Variants in GLIS2 observed in about 807,000 individuals in gnomAD.
The protein encoded by GLIS2 is zinc finger protein GLIS2.
Under a neutral mutation model 35.6 loss-of-function variants are expected in GLIS2, and 14 were observed. That is an observed-to-expected ratio of 0.39 (90% confidence interval 0.26 to 0.61). The LOEUF (loss-of-function observed/expected upper bound fraction) is 0.61. GLIS2 is among the 20% of genes least tolerant of loss of function. The pLI, the probability that GLIS2 is intolerant of heterozygous loss-of-function variation, is 0.48. For synonymous variants in GLIS2, 368 were observed against 325.1 expected (o/e 1.13, Z -1.42); for missense variants, 675 against 713.4 (o/e 0.95, Z 0.61).
chr16:4,333,579 C>A, intron 3 of GLIS2, 60 bp downstream of exon 3: 1 of 1,514,470 alleles, frequency 6.6e-7, no homozygotes, highest in Non-Finnish European at 8.9e-7. Flanking sequence ...GTTGCCATGA[C>A]AAAGTACCCC....
At chr16:4,323,463 G>T (rs543118584) in intron 1 of GLIS2, among the ~76,000 whole-genome samples, 1 of 152,222 alleles carries the variant, frequency 6.6e-6, no homozygotes, top group African/African-American at 2.4e-5. Context: ...CAGGCAGCGG[G>T]GGGGTGGAGG....
intron 1 of GLIS2, among the ~76,000 whole-genome samples, chr16:4,327,382 C>T (rs12709116): frequency 0.1 from 15,744 of 152,270 alleles, 1,066 homozygotes; most frequent in African/African-American, 0.19. Context: ...GGTCCTTTAC[C>T]CCCTCTGGTG....
Position 4,332,057 on chromosome 16 carries a change from C to A in GLIS2, c.-66-158C>A, listed in dbSNP as rs540007912. Among the ~76,000 whole-genome samples, 1 of 152,178 alleles carries A rather than the reference C, an allele frequency of 6.6e-6. No individual in the cohort carries two copies. Among genetic ancestry groups the A allele is most frequent in the African/African-American group, 2.4e-5 (1 of 41,436 alleles). ...CTCTGAGGAGGCTGTTGGCTCTCCCCCCATGATAGCTGCCGGCCAGGTCGC... is the reference window on the plus strand; with the variant it reads ...CTCTGAGGAGGCTGTTGGCTCTCCCACCATGATAGCTGCCGGCCAGGTCGC... On this transcript the variant is annotated intron_variant, in intron 1 of 6. Coordinates refer to ENST00000433375, the MANE Select transcript of GLIS2 (RefSeq NM_032575.3). The surrounding 1 kb of genome is among the most constrained non-coding windows in gnomAD (Gnocchi z 5.4).
chr16:4,338,382 C>T lies in GLIS2; in HGVS notation c.*858C>T, dbSNP rs544562577. 2 of 152,508 alleles carry T rather than the reference C, an allele frequency of 1.3e-5. No individual in the cohort carries two copies. The highest frequency in any genetic ancestry group is 2.4e-5 in the African/African-American group (1 of 41,564). 9.4% of individuals were successfully genotyped at this position (152,508 alleles called of 1,614,324 possible). A position where few individuals can be genotyped will look rare whatever the true frequency, so the allele number is the denominator to read the frequency against. ...GGAGCATGTGGGGCCAGGCCCAGCG[C>T]CCCGTCTTCCTCCTTCTACCCCCGC... On this transcript the variant is annotated 3_prime_UTR_variant, in exon 7 of 7. Coordinates refer to ENST00000433375, the MANE Select transcript of GLIS2 (RefSeq NM_032575.3).
chr16:4,339,530 T>C lies in GLIS2; in HGVS notation c.*2006T>C, dbSNP rs2053602861. ...TTAAAAAAAGAGATAAGCTAATGACTATAACAATATATTCCTCCATGGGAG... is the reference window on the plus strand; with the variant it reads ...TTAAAAAAAGAGATAAGCTAATGACCATAACAATATATTCCTCCATGGGAG... On this transcript the variant is annotated 3_prime_UTR_variant, in exon 7 of 7. Transcript: ENST00000433375. The C allele has an allele frequency of 6.6e-6, 1 of 152,414 alleles. No individual in the cohort carries two copies. The highest frequency in any genetic ancestry group is 2.4e-5 in the African/African-American group (1 of 41,452). The allele number at this position is 152,414 out of a possible 1,614,324, so 9.4% of individuals were successfully genotyped here.
rs140804887 is a variant in GLIS2 at position 4,336,303 on chromosome 16, C to A, written c.776-422C>A. The A allele has an allele frequency of 2.2e-3, 727 of 332,950 alleles. 22 individuals are homozygous for A. In the East Asian group the frequency reaches 0.046, roughly 21 times the overall value. The allele number at this position is 332,950 out of a possible 1,614,324, so 20.6% of individuals were successfully genotyped here. On this transcript the variant is annotated intron_variant, in intron 6 of 6. Coordinates refer to ENST00000433375, the MANE Select transcript of GLIS2 (RefSeq NM_032575.3). The stretch of plus-strand genomic sequence containing the variant: ...CTGGGATTACAGGCACCTGCCACCA[C>A]ACCCAGCTAGTTTTCGTAGTTTTAG...
In GLIS2 at chr16:4,335,051, C is replaced by A; in HGVS notation, c.523-9C>A. ...CGCATGGGCTCAGAACACTTCCCATCCTCCGCAGTGTAACCAGCTCTTTGA... is the reference window on the plus strand; with the variant it reads ...CGCATGGGCTCAGAACACTTCCCATACTCCGCAGTGTAACCAGCTCTTTGA... On this transcript the variant is annotated splice_polypyrimidine_tract_variant and intron_variant, in intron 4 of 6. Coordinates refer to ENST00000433375, the MANE Select transcript of GLIS2 (RefSeq NM_032575.3). This position sits in a 1 kb window ranked among gnomAD's most constrained non-coding sequence, Gnocchi z 4.6. 2 of 1,613,454 alleles carry A rather than the reference C, an allele frequency of 1.2e-6. No homozygotes were observed. Among genetic ancestry groups the A allele is most frequent in the South Asian group, 1.1e-5 (1 of 91,080 alleles).
rs569415541 is a variant in GLIS2, at chr16:4,322,718, C to T, written c.-67+6464C>T. 9.9e-5 allele frequency among the ~76,000 whole-genome samples: 15 copies of T among 151,430 alleles called. No individual in the cohort carries two copies. The South Asian group carries it at 2.3e-3, about 23-fold the overall frequency. ...GGCCTGGCGTTGGAATGCATGAATGCGTGGTTGGAGAACCGAGGCAGGAGG... is the reference window on the plus strand; with the variant it reads ...GGCCTGGCGTTGGAATGCATGAATGTGTGGTTGGAGAACCGAGGCAGGAGG... On this transcript the variant is annotated intron_variant, in intron 1 of 6. Coordinates refer to ENST00000433375, the MANE Select transcript of GLIS2 (RefSeq NM_032575.3).
chr16:4,336,665 G>A, intron 6 of GLIS2, 60 bp from the exon 7 acceptor site: 1 of 1,505,564 alleles, frequency 6.6e-7, no homozygotes, highest in Non-Finnish European at 9.0e-7. Context: ...GAGTGCATGG[G>A]GTGAGACCCA....
upstream of GLIS2, chr16:4,315,285 C>T (rs1317174119): frequency 6.6e-6 from 1 of 152,260 alleles, no homozygotes; most frequent in Non-Finnish European, 1.5e-5. Flanking sequence ...AGGGGTTGCG[C>T]CGGGCCCCGA....
intron 1 of GLIS2, among the ~76,000 whole-genome samples, chr16:4,324,348 G>A (rs752043050): frequency 6.6e-6 from 1 of 152,190 alleles, no homozygotes; most frequent in Admixed American, 6.5e-5. Flanking sequence ...GCCTGTCTGC[G>A]GCCAGCTCCT....
rs2053308286 is a variant in GLIS2 at position 4,316,174 on chromosome 16, C to T, written c.-147C>T. Among the ~76,000 whole-genome samples, 1 of 145,446 alleles carries T rather than the reference C, an allele frequency of 6.9e-6. No individual in the cohort carries two copies. Among genetic ancestry groups the T allele is most frequent in the East Asian group, 2.0e-4 (1 of 4,908 alleles). On this transcript the variant is annotated 5_prime_UTR_variant, in exon 1 of 7. Coordinates refer to ENST00000433375, the MANE Select transcript of GLIS2 (RefSeq NM_032575.3). ...CTCGCGCCCCGGCCCCCGCCCGTCC[C>T]GGCCCCTCCCCCGCTCGGCTCCCCG...
rs777443576 is a variant in GLIS2 at position 4,332,027 on chromosome 16, G to A, written c.-66-188G>A. On this transcript the variant is annotated intron_variant, in intron 1 of 6. Transcript: ENST00000433375. This position sits in a 1 kb window ranked among gnomAD's most constrained non-coding sequence, Gnocchi z 5.4. ...CAAGAGACTCATGGGAAGCAGATGC[G>A]GAATCTCTGAGGAGGCTGTTGGCTC... Among the ~76,000 whole-genome samples, 15 of 152,278 alleles carry A rather than the reference G, an allele frequency of 9.9e-5. No homozygotes were observed. Among genetic ancestry groups the A allele is most frequent in the South Asian group, 2.1e-4 (1 of 4,822 alleles).
intron 1 of GLIS2, among the ~76,000 whole-genome samples, chr16:4,330,484 C>T (rs1372365294): frequency 5.9e-5 from 9 of 152,232 alleles, no homozygotes; most frequent in Non-Finnish European, 1.0e-4. Context: ...CCCCTGGTGG[C>T]GACCCAGCGC....
intron 1 of GLIS2, among the ~76,000 whole-genome samples, chr16:4,324,302 C>T (rs959579507): frequency 1.3e-5 from 2 of 149,872 alleles, no homozygotes; most frequent in African/African-American, 5.1e-5. Context: ...GGCCAGGCCT[C>T]AGGATAAGCT....
At chr16:4,333,646 G>C (rs924544885) in intron 3 of GLIS2, 127 bp downstream of exon 3, 3 of 1,127,038 alleles carry the variant, frequency 2.7e-6, no homozygotes, top group African/African-American at 1.6e-5. Context: ...GGAGGCTGGA[G>C]TCTACCTGGA....
Position 4,337,645 on chromosome 16 carries a change from C to T in GLIS2, c.*121C>T, listed in dbSNP as rs929887014. ...CTGCCCGGGCAGCCCCAGCCCAGCC[C>T]GCCGGGAGCAAGGATGGTGCTAGGT... On this transcript the variant is annotated 3_prime_UTR_variant, in exon 7 of 7. Coordinates refer to ENST00000433375, the MANE Select transcript of GLIS2 (RefSeq NM_032575.3). The T allele has an allele frequency of 6.0e-5, 85 of 1,416,590 alleles. 1 individual carries two copies. The highest frequency in any genetic ancestry group is 3.5e-4 in the South Asian group (28 of 81,008). 87.8% of individuals were successfully genotyped at this position (1,416,590 alleles called of 1,614,324 possible). A position where few individuals can be genotyped will look rare whatever the true frequency, so the allele number is the denominator to read the frequency against.
Position 4,333,426 on chromosome 16 carries a change from A to G in GLIS2, c.252A>G (p.Ser84=), listed in dbSNP as rs769920317. The G allele has an allele frequency of 2.8e-5, 45 of 1,612,696 alleles. No homozygotes were observed. The South Asian group carries it at 4.4e-4, about 16-fold the overall frequency. The change falls in exon 3 of 7, where the codon TCA becomes TCG. Residue 84 remains serine, a synonymous_variant. Coordinates refer to ENST00000433375, the MANE Select transcript of GLIS2 (RefSeq NM_032575.3). ...SAAPLVDLSL[S]PPSGLDSPNG... is the part of the protein sequence containing the mutation. The stretch of plus-strand genomic sequence containing the variant: ...CCCCTCTCGTGGACCTCAGCCTGTC[A>G]CCACCATCTGGGCTGGACTCCCCCA...
At chr16:4,329,070 T>C (rs562744407) in intron 1 of GLIS2, 2 of 152,412 alleles carry the variant, frequency 1.3e-5, no homozygotes, top group South Asian at 2.1e-4. Flanking sequence ...TCCTGAATTC[T>C]TCATCAGCAT....
Sources: allele counts gnomAD v4.1 joint callset (sites outside exome capture counted in the v4.1 genomes callset), GRCh38; gene constraint gnomAD v4.1.1; non-coding constraint Gnocchi (gnomAD v3.1); transcripts MANE v1.5; gene names NCBI Gene and HGNC (gene_info 2026-07-23, HGNC 2026-07-21).